Variants in FKBP15 observed in about 807,000 individuals in gnomAD.
FKBP15 encodes FK506-binding protein 15.
FKBP15 carries 106 observed loss-of-function variants against 158.1 expected under a neutral mutation model. The ratio of observed to expected loss-of-function variants is 0.67; its 90% CI spans 0.57 to 0.79. FKBP15 has a LOEUF of 0.79. Ranked by LOEUF, FKBP15 falls within the 30% of genes least tolerant of loss-of-function variation. The pLI is 0.00. For synonymous variants in FKBP15, 547 were observed against 548.6 expected (o/e 1.00, Z 0.04); for missense variants, 1,287 against 1,479.1 (o/e 0.87, Z 2.13).
chr9:113,178,535 AT>A lies in FKBP15; in HGVS notation c.2086+94del, dbSNP rs1326793296. 29 of 1,335,746 alleles carry A rather than the reference AT, an allele frequency of 2.2e-5. 1 individual carries two copies. The highest frequency in any genetic ancestry group is 8.4e-5 in the Admixed American group (3 of 35,858). The allele number at this position is 1,335,746 out of a possible 1,614,324, so 82.7% of individuals were successfully genotyped here. On this transcript the variant is annotated intron_variant, in intron 20 of 27. Transcript: ENST00000238256. ...TTTGGTGTAGTCCTTCAAAAACTTC[AT>A]GAGCATCATGCCAAAAAAATTGAGA...
At chr9:113,193,662 T>A in intron 10 of FKBP15, 113 bp from the exon 11 acceptor site, 1 of 852,172 alleles carries the variant, frequency 1.2e-6, no homozygotes, top group Non-Finnish European at 1.9e-6. Context: ...TTAATGACTG[T>A]AAAACAGAAT....
chr9:113,208,471 G>A (rs935370138), intron 2 of FKBP15, among the ~76,000 whole-genome samples: 6 of 152,232 alleles, frequency 3.9e-5, no homozygotes, highest in East Asian at 1.9e-4. Flanking sequence ...ATACTGATGC[G>A]GACATGACAT....
chr9:113,211,565 C>T lies in FKBP15; in HGVS notation c.81G>A (p.Leu27=), dbSNP rs1422811606. 1.9e-6 allele frequency: 3 copies of T among 1,604,362 alleles called. No homozygotes were observed. The highest frequency in any genetic ancestry group is 2.6e-6 in the Non-Finnish European group (3 of 1,175,280). The change falls in exon 2 of 28, where the codon CTG becomes CTA. Residue 27 remains leucine (L), a synonymous_variant. Coordinates refer to ENST00000238256, the MANE Select transcript of FKBP15 (RefSeq NM_015258.2). ...GGARLASLFG[L]DQAAAGHGNE... ...TTCCATGGCCAGCAGCTGCCTGATC[C>T]AGTCCAAAAAGTGAGGCCAATCTGG...
rs760685776 is a variant in FKBP15 at position 113,196,935 on chromosome 9, C to T, written c.861G>A (p.Arg287=). ...DSILVFEVEV[R]RVKFARDSGS... is the part of the protein sequence containing the mutation. ...AAACACAGAGAGTTTCACTCACCCG[C>T]CTAACCTCCACCTCGAACACCAGGA... The change falls in exon 9 of 28, where the codon AGG becomes AGA. Residue 287 remains arginine (R), a synonymous_variant. Coordinates refer to ENST00000238256, the MANE Select transcript of FKBP15 (RefSeq NM_015258.2). 1.2e-6 allele frequency: 2 copies of T among 1,613,878 alleles called. No individual in the cohort carries two copies. The highest frequency in any genetic ancestry group is 1.7e-6 in the Non-Finnish European group (2 of 1,179,808).
intron 9 of FKBP15, among the ~76,000 whole-genome samples, chr9:113,195,877 C>T (rs1830667766): frequency 6.6e-6 from 1 of 151,976 alleles, no homozygotes; most frequent in Non-Finnish European, 1.5e-5. Flanking sequence ...ACTCCATTTC[C>T]ATTCTACAGA....
Position 113,178,760 on chromosome 9 carries a change from G to A in FKBP15, c.1956C>T (p.Val652=), listed in dbSNP as rs1281414051. The A allele has an allele frequency of 6.2e-7, 1 of 1,609,714 alleles. No homozygotes were observed. Among genetic ancestry groups the A allele is most frequent in the Non-Finnish European group, 8.5e-7 (1 of 1,177,982 alleles). The stretch of plus-strand genomic sequence containing the variant: ...CAGTCATTTTCAGCTGCAGATGAGA[G>A]ACCTGTGCAGTGGCCGCTGCTAACT... ...TEELAAATAQ[V]SHLQLKMTAH... Residue 652 remains valine (V), a synonymous_variant, in exon 20 of 28, where the codon GTC becomes GTT. Transcript: ENST00000238256.
Position 113,199,830 on chromosome 9 carries a change from T to C in FKBP15, c.632A>G (p.Asn211Ser). 4 of 1,612,704 alleles carry C rather than the reference T, an allele frequency of 2.5e-6. No individual in the cohort carries two copies. The highest frequency in any genetic ancestry group is 3.4e-6 in the Non-Finnish European group (4 of 1,179,378). The part of the protein sequence containing the change: ...EVAYTGWLFQ[N>S]HVLGQVFDST... ...TTTTCTTACCTGGCCCAGCACATGA[T>C]TCTGAAAGAGCCAGCCGGTATAGGC... Residue 211 changes from asparagine (N) to serine (S), a missense_variant, in exon 7 of 28, where the codon AAT (asparagine) becomes AGT (serine). Physicochemically the swap from Asn to Ser is conservative, Grantham distance 46. Transcript: ENST00000238256.
intron 1 of FKBP15, among the ~76,000 whole-genome samples, chr9:113,217,118 G>C (rs1451219871): frequency 1.3e-5 from 2 of 150,880 alleles, no homozygotes; most frequent in Non-Finnish European, 1.5e-5. Context: ...TGGCCAGGCT[G>C]GTCTTGCACT....
At chr9:113,176,814 T>C (rs1239211803) in intron 20 of FKBP15, 141 bp from the exon 21 acceptor site, 2 of 881,068 alleles carry the variant, frequency 2.3e-6, no homozygotes, top group African/African-American at 3.4e-5. Flanking sequence ...AGTGGTGTGA[T>C]CATAGCTCAC....
Position 113,207,260 on chromosome 9 carries a change from A to G in FKBP15, c.206T>C (p.Met69Thr). ...QATPKTAPAT[M>T]STPTILVATA... ...TGCGACCAGTATTGTGGGAGTGCTC[A>G]TGGTGGCTGGTGCTGTTTTTGGTGT... Residue 69 changes from methionine (M) to threonine (T), a missense_variant, in exon 3 of 28, where the codon ATG (methionine) becomes ACG (threonine). Met to Thr is a moderately conservative substitution (Grantham distance 81, BLOSUM62 -1). Transcript: ENST00000238256. 2 of 1,613,254 alleles carry G rather than the reference A, an allele frequency of 1.2e-6. No individual in the cohort carries two copies.
chr9:113,210,136 C>T (rs1235407463), intron 2 of FKBP15, among the ~76,000 whole-genome samples: 2 of 152,160 alleles, frequency 1.3e-5, no homozygotes, highest in African/African-American at 4.8e-5. Flanking sequence ...TTTCGAACCT[C>T]TCCATCAGTT....
At chr9:113,207,041 C>G in intron 3 of FKBP15, 171 bp downstream of exon 3, 1 of 592,140 alleles carries the variant, frequency 1.7e-6, no homozygotes, top group Non-Finnish European at 3.0e-6. Context: ...AATGGCTTTT[C>G]AAGTTTTACC....
In FKBP15 at chr9:113,162,546, T is replaced by C; in HGVS notation, c.*3532A>G. ...AGCTTGAAACCAAATGTAGTGAAGATATGTCTCTTTAAAAATAAATCTCGA... is the reference window on the plus strand; with the variant it reads ...AGCTTGAAACCAAATGTAGTGAAGACATGTCTCTTTAAAAATAAATCTCGA... On this transcript the variant is annotated 3_prime_UTR_variant, in exon 28 of 28. Coordinates refer to ENST00000238256, the MANE Select transcript of FKBP15 (RefSeq NM_015258.2). The C allele has an allele frequency of 2.1e-6, 1 of 466,098 alleles. No individual in the cohort carries two copies. The highest frequency in any genetic ancestry group is 3.2e-5 in the South Asian group (1 of 31,708). 28.9% of individuals were successfully genotyped at this position (466,098 alleles called of 1,614,324 possible).
Position 113,186,273 on chromosome 9 carries a change from G to T in FKBP15, c.1474C>A (p.Leu492Ile). Residue 492 changes from leucine (L) to isoleucine (I), a missense_variant, in exon 15 of 28, where the codon CTC (leucine) becomes ATC (isoleucine). Coordinates refer to ENST00000238256, the MANE Select transcript of FKBP15 (RefSeq NM_015258.2). Reference protein sequence around the residue: ...QPVRPLYPAPLSQPPHFQGSG... With the variant: ...QPVRPLYPAPISQPPHFQGSG... ...CCTTGGAAATGGGGAGGCTGAGAGA[G>T]CGGTGCTGGGTACAAAGGCCGAACG... 1.3e-6 allele frequency: 2 copies of T among 1,566,222 alleles called. No individual in the cohort carries two copies. Among genetic ancestry groups the T allele is most frequent in the East Asian group, 2.4e-5 (1 of 42,228 alleles).
intron 19 of FKBP15, among the ~76,000 whole-genome samples, chr9:113,180,783 A>G (rs193173892): frequency 6.6e-6 from 1 of 152,218 alleles, no homozygotes; most frequent in African/African-American, 2.4e-5. Flanking sequence ...GGCAACCTCT[A>G]ATAGCTCTTC....
intron 11 of FKBP15, among the ~76,000 whole-genome samples, chr9:113,191,780 T>C (rs1462309438): frequency 6.6e-6 from 1 of 151,178 alleles, no homozygotes; most frequent in African/African-American, 2.4e-5. Context: ...AAAGAAACAC[T>C]GAAAGAATAT....
rs1830267000 is a variant in FKBP15, at chr9:113,174,425, T to G, written c.2379+3A>C. ...TTTTCAAAGTGCTTCAGTTTCCCAT[T>G]ACCTGCTCTGCAGCTGCTTGGTCTG... On this transcript the variant is annotated splice_donor_region_variant and intron_variant, in intron 22 of 27. Coordinates refer to ENST00000238256, the MANE Select transcript of FKBP15 (RefSeq NM_015258.2). 4 of 1,613,300 alleles carry G rather than the reference T, an allele frequency of 2.5e-6. No individual in the cohort carries two copies. The highest frequency in any genetic ancestry group is 2.5e-6 in the Non-Finnish European group (3 of 1,179,660).
intron 1 of FKBP15, 32 bp from the exon 2 acceptor site, chr9:113,211,624 C>G (rs185799016): frequency 6.7e-7 from 1 of 1,483,334 alleles, no homozygotes; most frequent in African/African-American, 1.4e-5. Flanking sequence ...TGAAATTTCA[C>G]TGATATATCC....
rs1263596339 is a variant in FKBP15 at position 113,165,110 on chromosome 9, G to C, written c.*968C>G. ...CCTGGAATCAAGAAAATGACCACAA[G>C]TATTTTCTCACTACTGTTCTCTGCA... On this transcript the variant is annotated 3_prime_UTR_variant, in exon 28 of 28. Coordinates refer to ENST00000238256, the MANE Select transcript of FKBP15 (RefSeq NM_015258.2). 1 of 152,174 alleles carries C rather than the reference G, an allele frequency of 6.6e-6. No individual in the cohort carries two copies. Among genetic ancestry groups the C allele is most frequent in the Non-Finnish European group, 1.5e-5 (1 of 68,026 alleles). The allele number at this position is 152,174 out of a possible 1,614,324, so 9.4% of individuals were successfully genotyped here.
Sources: allele counts gnomAD v4.1 joint callset (sites outside exome capture counted in the v4.1 genomes callset), GRCh38; gene constraint gnomAD v4.1.1; transcripts MANE v1.5; gene names NCBI Gene and HGNC (gene_info 2026-07-23, HGNC 2026-07-21).